The following DTWD1 variants were observed in gnomAD, a reference collection of about 807,000 sequenced individuals.
The protein encoded by DTWD1 is DTW motif tRNA-uridine aminocarboxypropyltransferase 1.
DTWD1 carries 27 observed loss-of-function variants against 30.2 expected under a neutral mutation model. The ratio of observed to expected loss-of-function variants is 0.90; its 90% CI spans 0.66 to 1.23. The LOEUF is 1.23. Ranked by LOEUF, DTWD1 falls within the 50% of genes most tolerant of loss-of-function variation. The pLI, the probability that DTWD1 is intolerant of heterozygous loss-of-function variation, is 0.00. For missense variants in DTWD1, 342 were observed against 348.8 expected (o/e 0.98, Z 0.15); for synonymous variants, 99 against 113.1 (o/e 0.88, Z 0.79).
Position 49,655,638 on chromosome 15 carries a change from G to A in DTWD1, c.*12060G>A, listed in dbSNP as rs2153355257. On this transcript the variant is annotated 3_prime_UTR_variant, in exon 5 of 5. Coordinates refer to ENST00000403028, the MANE Select transcript of DTWD1 (RefSeq NM_001144955.2). ...TCCCAAAAGATTATCTAGCCTACAG[G>A]GCCGATGAGGTATAGCTTGAAGTCA... The A allele has an allele frequency of 6.6e-6, 1 of 151,958 alleles. No homozygotes were observed. The highest frequency in any genetic ancestry group is 1.9e-4 in the East Asian group (1 of 5,158). The allele number at this position is 151,958 out of a possible 1,614,324, so 9.4% of individuals were successfully genotyped here. A position where few individuals can be genotyped will look rare whatever the true frequency, so the allele number is the denominator to read the frequency against.
At chr15:49,640,229 G>A (rs1224326999) in intron 4 of DTWD1, among the ~76,000 whole-genome samples, 1 of 151,944 alleles carries the variant, frequency 6.6e-6, no homozygotes, top group Non-Finnish European at 1.5e-5. Context: ...CTTGGGACTT[G>A]CTTTCTAAAG....
Position 49,651,372 on chromosome 15 carries a change from C to G in DTWD1, c.*7794C>G, listed in dbSNP as rs1364848346. The G allele has an allele frequency of 6.6e-6, 1 of 152,094 alleles. No homozygotes were observed. Among genetic ancestry groups the G allele is most frequent in the Non-Finnish European group, 1.5e-5 (1 of 68,040 alleles). The allele number at this position is 152,094 out of a possible 1,614,324, so 9.4% of individuals were successfully genotyped here. ...ACTGAAGAGTCTCTAAACAATAAAG[C>G]AAACTAAACACATTGCCTAGTTGAC... is the stretch of plus-strand genomic sequence containing the variant. On this transcript the variant is annotated 3_prime_UTR_variant, in exon 5 of 5. Transcript: ENST00000403028.
chr15:49,628,774 G>C (rs1344605967), intron 2 of DTWD1, among the ~76,000 whole-genome samples: 5 of 151,498 alleles, frequency 3.3e-5, no homozygotes. Context: ...TTTAAACACA[G>C]TTAAGCTTTA....
intron 4 of DTWD1, among the ~76,000 whole-genome samples, chr15:49,638,256 T>C (rs2079026106): frequency 6.6e-6 from 1 of 152,222 alleles, no homozygotes; most frequent in Admixed American, 6.5e-5. Context: ...AAAATCTCTT[T>C]TCAGAGTGTC....
At chr15:49,628,786 T>C (rs1311966224) in intron 2 of DTWD1, among the ~76,000 whole-genome samples, 1 of 152,136 alleles carries the variant, frequency 6.6e-6, no homozygotes, top group Non-Finnish European at 1.5e-5. Flanking sequence ...TAAGCTTTAA[T>C]GTCCATACGA....
At chr15:49,642,586 C>T (rs187749101) in intron 4 of DTWD1, among the ~76,000 whole-genome samples, 2 of 152,138 alleles carry the variant, frequency 1.3e-5, no homozygotes, top group Admixed American at 1.3e-4. Context: ...ATTAAGCTGC[C>T]TATCTCTCAG....
chr15:49,623,757 A>G (rs1444363162), intron 1 of DTWD1: 1 of 152,204 alleles, frequency 6.6e-6, no homozygotes, highest in East Asian at 1.9e-4. Flanking sequence ...ACTTTCAGTC[A>G]TTGAGGGCAT....
chr15:49,625,843 T>C (rs1312456870), intron 2 of DTWD1, among the ~76,000 whole-genome samples: 1 of 152,154 alleles, frequency 6.6e-6, no homozygotes, highest in Non-Finnish European at 1.5e-5. Flanking sequence ...GTATAAGGCA[T>C]GTCTGGACAT....
rs763968169 is a variant in DTWD1 at position 49,634,629 on chromosome 15, AATG to A, written c.507_509del (p.Asp170del). On this transcript the variant is annotated inframe_deletion, in exon 4 of 5. Transcript: ENST00000403028. ...GATTCAAAATAATGTTAGAGGCAAA[AATG>A]ATGACCCTGACAAGCCATCTTTTAA... The A allele has an allele frequency of 1.9e-6, 3 of 1,613,936 alleles. No homozygotes were observed. Among genetic ancestry groups the A allele is most frequent in the Non-Finnish European group, 2.5e-6 (3 of 1,179,922 alleles).
At chr15:49,627,607 A>G (rs2078860647) in intron 2 of DTWD1, among the ~76,000 whole-genome samples, 1 of 152,200 alleles carries the variant, frequency 6.6e-6, no homozygotes, top group Admixed American at 6.5e-5. Flanking sequence ...GGCAATACCT[A>G]TTGCTCCTAG....
At chr15:49,635,494 GTTGT>G (rs1187068302) in intron 4 of DTWD1, among the ~76,000 whole-genome samples, 6 of 151,592 alleles carry the variant, frequency 4.0e-5, no homozygotes, top group Non-Finnish European at 4.4e-5. Context: ...TGTTCTTGTT[GTTGT>G]TTGTTTGTTT....
intron 2 of DTWD1, among the ~76,000 whole-genome samples, chr15:49,627,873 C>T (rs1438414417): frequency 6.6e-6 from 1 of 152,000 alleles, no homozygotes; most frequent in East Asian, 1.9e-4. Flanking sequence ...TTTTTATAAA[C>T]ACTGTATACT....
rs1450457361 is a variant in DTWD1, at chr15:49,652,882, T to C, written c.*9304T>C. ...AACTGTCAGCTCCTTCAGAGTCTGCTTCAACTGCAGAAGGACACTGTGCTT... is the reference window on the plus strand; with the variant it reads ...AACTGTCAGCTCCTTCAGAGTCTGCCTCAACTGCAGAAGGACACTGTGCTT... On this transcript the variant is annotated 3_prime_UTR_variant, in exon 5 of 5. Coordinates refer to ENST00000403028, the MANE Select transcript of DTWD1 (RefSeq NM_001144955.2). The C allele has an allele frequency of 6.6e-6, 1 of 152,194 alleles. No individual in the cohort carries two copies. Among genetic ancestry groups the C allele is most frequent in the African/African-American group, 2.4e-5 (1 of 41,458 alleles). 9.4% of individuals were successfully genotyped at this position (152,194 alleles called of 1,614,324 possible).
intron 3 of DTWD1, among the ~76,000 whole-genome samples, chr15:49,634,213 A>G (rs1447272580): frequency 6.6e-6 from 1 of 152,196 alleles, no homozygotes; most frequent in African/African-American, 2.4e-5. Context: ...TTCTTTTACG[A>G]AGTATCATGT....
chr15:49,622,153 A>G (rs78357010), intron 1 of DTWD1, among the ~76,000 whole-genome samples: 2 of 152,154 alleles, frequency 1.3e-5, no homozygotes, highest in Non-Finnish European at 2.9e-5. Context: ...TTAGTTAACA[A>G]GTGTTTGTTG....
At chr15:49,626,437 C>T (rs1300843374) in intron 2 of DTWD1, among the ~76,000 whole-genome samples, 1 of 152,062 alleles carries the variant, frequency 6.6e-6, no homozygotes. Flanking sequence ...TTTGGGCTCA[C>T]CAACACTACT....
chr15:49,634,404 A>G (rs1567740429), intron 3 of DTWD1, 132 bp from the exon 4 acceptor site: 2 of 958,486 alleles, frequency 2.1e-6, no homozygotes, highest in Non-Finnish European at 2.9e-6. Context: ...AAAGAACCAT[A>G]TACAATAGAA....
chr15:49,646,666 G>A lies in DTWD1; in HGVS notation c.*3088G>A, dbSNP rs964471017. The A allele has an allele frequency of 1.3e-5, 2 of 152,148 alleles. No homozygotes were observed. The highest frequency in any genetic ancestry group is 4.8e-5 in the African/African-American group (2 of 41,446). The allele number at this position is 152,148 out of a possible 1,614,324, so 9.4% of individuals were successfully genotyped here. ...TTCTGATGGACTGTATAGAGACACT[G>A]TTTTTCATCTTGCCTGTCCAGAAGC... On this transcript the variant is annotated 3_prime_UTR_variant, in exon 5 of 5. Transcript: ENST00000403028.
chr15:49,643,714 A>T lies in DTWD1; in HGVS notation c.*136A>T, dbSNP rs543823244. The T allele has an allele frequency of 1.5e-5, 14 of 911,348 alleles. No individual in the cohort carries two copies. The highest frequency in any genetic ancestry group is 1.4e-4 in the South Asian group (5 of 35,024). The allele number at this position is 911,348 out of a possible 1,614,324, so 56.5% of individuals were successfully genotyped here. ...AAAAAATTCCAGTTTCATATATATC[A>T]CTTCATATTTCTTGAAGGAAATTGT... On this transcript the variant is annotated 3_prime_UTR_variant, in exon 5 of 5. Coordinates refer to ENST00000403028, the MANE Select transcript of DTWD1 (RefSeq NM_001144955.2).
Sources: gnomAD v4.1 joint callset for allele counts (sites outside exome capture counted in the v4.1 genomes callset) on GRCh38, gnomAD v4.1.1 for gene constraint, MANE v1.5 for transcripts, NCBI Gene and HGNC (gene_info 2026-07-23, HGNC 2026-07-21) for gene names.